LTA4H: variants seen among roughly 807,000 people sequenced by gnomAD.
LTA4H encodes leukotriene A-4 hydrolase.
LTA4H carries 59 observed loss-of-function variants against 89.8 expected under a neutral mutation model. The observed-to-expected ratio is 0.66, with a 90% CI of 0.53 to 0.82. LTA4H has a LOEUF of 0.82. Among genes scored for constraint, LTA4H ranks in the 40% least tolerant of loss-of-function variants. LTA4H has a pLI of 0.00. For missense variants in LTA4H, 617 were observed against 727.0 expected (o/e 0.85, Z 1.74); for synonymous variants, 227 against 253.1 (o/e 0.90, Z 0.98).
rs1180589920 is a variant in LTA4H at position 96,019,241 on chromosome 12, C to G, written c.639-1G>C. The G allele has an allele frequency of 6.2e-7, 1 of 1,608,634 alleles. No individual in the cohort carries two copies. The highest frequency in any genetic ancestry group is 1.7e-5 in the Admixed American group (1 of 58,556). ...CACCAAAGTTCTTGGGCCAATTTGC[C>G]TGCAAGATTAAAAAGCTTAATAAAA... On this transcript the variant is annotated splice_acceptor_variant, in intron 6 of 18. Transcript: ENST00000228740. LOFTEE classifies it high-confidence loss of function.
At chr12:96,027,585 T>C in intron 2 of LTA4H, 21 bp from the exon 3 acceptor site, 1 of 1,469,136 alleles carries the variant, frequency 6.8e-7, no homozygotes, top group East Asian at 2.3e-5. Flanking sequence ...CACATAAATA[T>C]ATTAGTAGAG....
At chr12:96,019,585 ATTTT>A (rs755971682) in intron 6 of LTA4H, among the ~76,000 whole-genome samples, 3 of 99,386 alleles carry the variant, frequency 3.0e-5, no homozygotes, top group African/African-American at 8.9e-5. Flanking sequence ...ATAAGAAACT[ATTTT>A]TTTTTTTTTT....
upstream of LTA4H, chr12:96,035,744 G>A: frequency 3.3e-6 from 4 of 1,202,358 alleles, no homozygotes; most frequent in Non-Finnish European, 4.4e-6. Context: ...TGGCTACCTG[G>A]GAGCGTGTGT....
At chr12:96,013,409 T>G (rs1049272731) in intron 13 of LTA4H, 151 bp from the exon 14 acceptor site, 4 of 592,142 alleles carry the variant, frequency 6.8e-6, no homozygotes. Context: ...TATTTTAAAT[T>G]GATAGATCAT....
At chr12:96,019,130 C>CT in intron 7 of LTA4H, 38 bp downstream of exon 7, 2 of 1,552,302 alleles carry the variant, frequency 1.3e-6, no homozygotes, top group Non-Finnish European at 1.8e-6. Flanking sequence ...AATCTACTGT[C>CT]TATCACAATG....
rs138750397 is a variant in LTA4H, at chr12:96,022,241, G to C, written c.491C>G (p.Pro164Arg). 2.9e-4 allele frequency: 467 copies of C among 1,607,912 alleles called. 1 individual carries two copies. The highest frequency in any genetic ancestry group is 1.9e-3 in the Admixed American group (112 of 59,922). The change falls in exon 5 of 19, where the codon CCT becomes CGT. Residue 164 changes from proline (P) to arginine (R), a missense_variant. By Grantham distance (103) the Pro-to-Arg change is moderately radical (BLOSUM62 -2). Around this residue, in one of 3 missense-constraint regions of LTA4H, gnomAD observed 172 missense variants for 244.5 expected, o/e 0.70. Coordinates refer to ENST00000228740, the MANE Select transcript of LTA4H (RefSeq NM_000895.3). The surrounding 1 kb of genome is among the most constrained non-coding windows in gnomAD (Gnocchi z 4.0). ...KLTYTAEVSV[P>R]KELVALMSAI... ...ACTCATAAGTGCCACCAGTTCTTTAGGGACAGACACCTAATCAAGGAGAAA... is the reference window on the plus strand; with the variant it reads ...ACTCATAAGTGCCACCAGTTCTTTACGGACAGACACCTAATCAAGGAGAAA...
intron 4 of LTA4H, among the ~76,000 whole-genome samples, chr12:96,023,256 T>A (rs1950474683): frequency 6.6e-6 from 1 of 152,242 alleles, no homozygotes; most frequent in South Asian, 2.1e-4. Flanking sequence ...TTGTAGATTC[T>A]AAAGCACAAA....
At chr12:96,021,451 C>T (rs1174143874) in intron 5 of LTA4H, among the ~76,000 whole-genome samples, 4 of 152,152 alleles carry the variant, frequency 2.6e-5, no homozygotes, top group African/African-American at 9.7e-5. Context: ...AAGTAACCTA[C>T]AGGAAGCGCA....
chr12:96,035,251 T>TA (rs1426062413), intron 1 of LTA4H, 110 bp downstream of exon 1: 16 of 1,163,124 alleles, frequency 1.4e-5, no homozygotes, highest in Admixed American at 2.5e-5. Flanking sequence ...GACGTGGGGC[T>TA]AGGCAGGGGC....
At chr12:96,040,560 T>A (rs928053669), upstream of LTA4H, among the ~76,000 whole-genome samples, 15 of 152,352 alleles carry the variant, frequency 9.8e-5, no homozygotes, top group East Asian at 2.9e-3. Context: ...ACCTTTTCTC[T>A]ATTCTTTTCC....
At chr12:96,014,668 A>G (rs1238228731) in intron 12 of LTA4H, among the ~76,000 whole-genome samples, 187 bp downstream of exon 12, 1 of 152,238 alleles carries the variant, frequency 6.6e-6, no homozygotes, top group African/African-American at 2.4e-5. Context: ...AGCATAATTT[A>G]AACCTTAGGG....
upstream of LTA4H, among the ~76,000 whole-genome samples, chr12:96,036,897 TGAA>T (rs1950652331): frequency 6.6e-6 from 1 of 151,896 alleles, no homozygotes; most frequent in Non-Finnish European, 1.5e-5. Context: ...TGGCAGAAGG[TGAA>T]GAAGGGGCAG....
chr12:96,025,230 G>A (rs574718202), intron 3 of LTA4H: 3 of 152,204 alleles, frequency 2.0e-5, no homozygotes, highest in East Asian at 1.9e-4. Flanking sequence ...AATATTAGCC[G>A]CCTGAAGGCT....
intron 1 of LTA4H, among the ~76,000 whole-genome samples, chr12:96,041,940 C>G (rs527665677): frequency 8.8e-4 from 134 of 151,726 alleles, no homozygotes; most frequent in African/African-American, 3.2e-3. Flanking sequence ...CGCGCCTGGC[C>G]ATAAACCCCT....
chr12:96,034,188 T>C (rs545252490), intron 1 of LTA4H, among the ~76,000 whole-genome samples: 26 of 152,344 alleles, frequency 1.7e-4, no homozygotes, highest in Admixed American at 7.8e-4. Context: ...TGATGTGCTT[T>C]AGTAGATTTC....
upstream of LTA4H, among the ~76,000 whole-genome samples, chr12:96,036,543 G>A (rs1287898711): frequency 6.6e-6 from 1 of 152,124 alleles, no homozygotes; most frequent in Non-Finnish European, 1.5e-5. Flanking sequence ...GGAGATTTAG[G>A]AAACTATTAA....
At chr12:96,010,194 T>C (rs1360737528) in intron 14 of LTA4H, 5 of 152,206 alleles carry the variant, frequency 3.3e-5, no homozygotes, top group Non-Finnish European at 7.3e-5. Context: ...CTTCGTGTCC[T>C]GAAACTTCCT....
In LTA4H at chr12:96,022,390, C is replaced by T; in HGVS notation, c.481-139G>A. 1.7e-6 allele frequency: 1 copy of T among 594,964 alleles called. No individual in the cohort carries two copies. The highest frequency in any genetic ancestry group is 2.9e-5 in the East Asian group (1 of 35,074). 36.9% of individuals were successfully genotyped at this position (594,964 alleles called of 1,614,324 possible). On this transcript the variant is annotated intron_variant, in intron 4 of 18. Coordinates refer to ENST00000228740, the MANE Select transcript of LTA4H (RefSeq NM_000895.3). The surrounding 1 kb of genome is among the most constrained non-coding windows in gnomAD (Gnocchi z 4.0). ...TGAACACAAAAAGTATATACATATA[C>T]AAAAAGTATATATATACACACACAT...
chr12:96,023,864 T>C (rs1950481781), intron 4 of LTA4H, among the ~76,000 whole-genome samples: 1 of 152,194 alleles, frequency 6.6e-6, no homozygotes, highest in Non-Finnish European at 1.5e-5. Context: ...GTAAAAATTG[T>C]TCCTAAGTTC....
Sources: allele counts gnomAD v4.1 joint callset (sites outside exome capture counted in the v4.1 genomes callset), GRCh38; gene constraint gnomAD v4.1.1; regional missense constraint gnomAD v4.1.1; non-coding constraint Gnocchi (gnomAD v3.1); transcripts MANE v1.5; gene names NCBI Gene and HGNC (gene_info 2026-07-23, HGNC 2026-07-21).